The following CNTNAP2 variants were observed in gnomAD, a reference collection of about 807,000 sequenced individuals.
The protein encoded by CNTNAP2 is contactin associated protein 2, also known as contactin-associated protein-like 2.
CNTNAP2 carries 98 observed loss-of-function variants against 155.2 expected under a neutral mutation model. The ratio of observed to expected loss-of-function variants is 0.63; its 90% CI spans 0.54 to 0.75. The LOEUF is 0.75. Ranked by LOEUF, CNTNAP2 falls within the 30% of genes least tolerant of loss-of-function variation. CNTNAP2 has a pLI of 0.00. For synonymous variants in CNTNAP2, 651 were observed against 631.2 expected, an observed-to-expected ratio of 1.03 and a Z score of -0.47; for missense variants, 1,727 against 1,688.1, an observed-to-expected ratio of 1.02 and a Z score of -0.40.
At chr7:147,338,450 G>C (rs931976866) in intron 9 of CNTNAP2, among the ~76,000 whole-genome samples, 1 of 152,014 alleles carries the variant, frequency 6.6e-6, no homozygotes, top group Non-Finnish European at 1.5e-5. Flanking sequence ...ACCAAATATA[G>C]AACATAAGAA....
chr7:147,099,835 A>G (rs1206324960), intron 4 of CNTNAP2, among the ~76,000 whole-genome samples: 4 of 152,302 alleles, frequency 2.6e-5, no homozygotes, highest in East Asian at 3.9e-4. Flanking sequence ...AAAAAACTAG[A>G]TTTTGTGTGG....
chr7:147,463,509 A>G (rs918713477), intron 10 of CNTNAP2, among the ~76,000 whole-genome samples: 3 of 152,176 alleles, frequency 2.0e-5, no homozygotes, highest in African/African-American at 7.2e-5. Flanking sequence ...GAGAGAGTAA[A>G]ATAGAGATAA....
At chr7:146,954,845 C>G (rs1484347741) in intron 3 of CNTNAP2, among the ~76,000 whole-genome samples, 2 of 151,746 alleles carry the variant, frequency 1.3e-5, no homozygotes, top group Non-Finnish European at 3.0e-5. Context: ...CTTTTTTCAC[C>G]TTTATTCAAT....
chr7:147,949,046 A>G (rs939243040), intron 14 of CNTNAP2, among the ~76,000 whole-genome samples: 4 of 151,840 alleles, frequency 2.6e-5, no homozygotes, highest in African/African-American at 4.8e-5. Context: ...TACTAAAAAT[A>G]CAAAATTAGC....
At chr7:147,592,373 A>G (rs1800752407) in intron 12 of CNTNAP2, among the ~76,000 whole-genome samples, 2 of 152,092 alleles carry the variant, frequency 1.3e-5, no homozygotes, top group Admixed American at 1.3e-4. Context: ...ATTACATGGT[A>G]TAATTATGAC....
chr7:147,084,440 T>C (rs1215450200), intron 4 of CNTNAP2, among the ~76,000 whole-genome samples: 1 of 137,122 alleles, frequency 7.3e-6, no homozygotes, highest in African/African-American at 2.6e-5. Flanking sequence ...TATGTATATA[T>C]AATACATATA....
At position 148,329,064 on chromosome 7, in the gene CNTNAP2, C is replaced by T. The variant is rs1293851643; in HGVS notation, c.3476-54585C>T. Among the ~76,000 whole-genome samples, 4 of 150,602 alleles carry T rather than the reference C, an allele frequency of 2.7e-5. 1 individual carries two copies. In the East Asian group the frequency reaches 8.1e-4, roughly 30 times the overall value. ...CTCCCTCACTGTGTTCTCCATGCTG[C>T]TGCCTGGGGCTGCTGGCCCCCTCCC... On this transcript the variant is annotated intron_variant, in intron 21 of 23. Coordinates refer to ENST00000361727, the MANE Select transcript of CNTNAP2 (RefSeq NM_014141.6).
intron 1 of CNTNAP2, among the ~76,000 whole-genome samples, chr7:146,758,128 T>A (rs1282326312): frequency 6.6e-6 from 1 of 152,186 alleles, no homozygotes; most frequent in Non-Finnish European, 1.5e-5. Flanking sequence ...ATTCTCTGCT[T>A]AGCTTTCAAG....
intron 1 of CNTNAP2, among the ~76,000 whole-genome samples, chr7:146,237,970 T>A (rs1206400818): frequency 2.0e-5 from 3 of 152,172 alleles, no homozygotes; most frequent in African/African-American, 7.2e-5. Flanking sequence ...TCTATTACAG[T>A]TTCAAATCTA....
At chr7:146,349,352 C>T (rs965003) in intron 1 of CNTNAP2, among the ~76,000 whole-genome samples, 35,182 of 152,118 alleles carry the variant, frequency 0.23, 8,535 homozygotes, top group African/African-American at 0.62. Flanking sequence ...AGCAGTATTT[C>T]ACCCGGAACA....
intron 1 of CNTNAP2, among the ~76,000 whole-genome samples, chr7:146,725,564 T>C (rs1353959097): frequency 5.3e-5 from 8 of 152,128 alleles, no homozygotes; most frequent in African/African-American, 1.4e-4. Context: ...ACATAAAGGA[T>C]TACCCACCAT....
intron 13 of CNTNAP2, among the ~76,000 whole-genome samples, chr7:147,853,217 T>A (rs34103397): frequency 0.073 from 11,103 of 152,208 alleles, 434 homozygotes; most frequent in East Asian, 0.14. Context: ...TAGTGAAGAT[T>A]AATTGGGGAG....
intron 11 of CNTNAP2, among the ~76,000 whole-genome samples, chr7:147,494,408 T>C (rs1798659069): frequency 6.7e-6 from 1 of 150,260 alleles, no homozygotes. Context: ...GGATTTAATT[T>C]CAATTTTGCA....
At chr7:146,969,638 G>A (rs1163338279) in intron 3 of CNTNAP2, among the ~76,000 whole-genome samples, 1 of 130,780 alleles carries the variant, frequency 7.6e-6, no homozygotes, top group African/African-American at 2.7e-5. Flanking sequence ...TGCAACCCCT[G>A]CCTTTTTTTT....
intron 11 of CNTNAP2, among the ~76,000 whole-genome samples, chr7:147,523,072 G>T (rs1217433616): frequency 6.6e-6 from 1 of 152,182 alleles, no homozygotes; most frequent in Non-Finnish European, 1.5e-5. Flanking sequence ...AGTGCCTGTG[G>T]CCTGGGTCTC....
At chr7:147,605,999 T>A (rs1168820664) in intron 12 of CNTNAP2, among the ~76,000 whole-genome samples, 1 of 151,832 alleles carries the variant, frequency 6.6e-6, no homozygotes, top group Non-Finnish European at 1.5e-5. Flanking sequence ...TAATAGTGAG[T>A]AGCAAGTCTA....
chr7:146,866,185 G>A (rs1433011158), intron 3 of CNTNAP2, among the ~76,000 whole-genome samples: 1 of 151,964 alleles, frequency 6.6e-6, no homozygotes, highest in Non-Finnish European at 1.5e-5. Context: ...CAGGCTTCAG[G>A]TTGATGTATC....
intron 1 of CNTNAP2, among the ~76,000 whole-genome samples, chr7:146,269,212 C>T (rs955304638): frequency 1.3e-5 from 2 of 152,084 alleles, no homozygotes; most frequent in East Asian, 1.9e-4. Flanking sequence ...CGGTGGCACG[C>T]GCCTGTGGTC....
At chr7:147,253,556 C>T (rs963284682) in intron 8 of CNTNAP2, among the ~76,000 whole-genome samples, 3 of 152,142 alleles carry the variant, frequency 2.0e-5, no homozygotes, top group African/African-American at 7.2e-5. Context: ...AACCAAAGAT[C>T]TCTGAAGATT....
Sources: allele counts gnomAD v4.1 joint callset (sites outside exome capture counted in the v4.1 genomes callset), GRCh38; gene constraint gnomAD v4.1.1; transcripts MANE v1.5; gene names NCBI Gene and HGNC (gene_info 2026-07-23, HGNC 2026-07-21).